Variants in ZC3H3 observed in about 807,000 individuals in gnomAD.
ZC3H3 encodes zinc finger CCCH-type containing 3.
A neutral mutation model predicts 77.3 loss-of-function variants in ZC3H3; 36 were observed. The ratio of observed to expected loss-of-function variants is 0.47; its 90% confidence interval spans 0.36 to 0.61. The LOEUF is 0.61. Among genes scored for constraint, ZC3H3 ranks in the 20% least tolerant of loss-of-function variants. The pLI is 0.00. For missense variants in ZC3H3, 1,331 were observed against 1,312.2 expected (o/e 1.01, Z -0.22); for synonymous variants, 626 against 555.2 (o/e 1.13, Z -1.79).
In ZC3H3 at chr8:143,437,881, T is replaced by C; in HGVS notation, c.*175A>G. ...GGCTTGGGGGAGGAAGACCAGGCCC[T>C]GCGCACACGCTGGTCATGGAAGGTT... On this transcript the variant is annotated 3_prime_UTR_variant, in exon 12 of 12. Coordinates refer to ENST00000262577, the MANE Select transcript of ZC3H3 (RefSeq NM_015117.3). The C allele has an allele frequency of 1.2e-6, 1 of 857,888 alleles. No individual in the cohort carries two copies. The highest frequency in any genetic ancestry group is 1.6e-5 in the South Asian group (1 of 62,740). The allele number at this position is 857,888 out of a possible 1,614,324, so 53.1% of individuals were successfully genotyped here. A position where few individuals can be genotyped will look rare whatever the true frequency, so the allele number is the denominator to read the frequency against.
At chr8:143,506,375 G>C (rs1246578673) in intron 4 of ZC3H3, among the ~76,000 whole-genome samples, 1 of 152,130 alleles carries the variant, frequency 6.6e-6, no homozygotes, top group Non-Finnish European at 1.5e-5. Flanking sequence ...CTCTTATTAA[G>C]TAAATTAATT....
intron 3 of ZC3H3, among the ~76,000 whole-genome samples, chr8:143,513,037 G>T (rs1189485110): frequency 6.6e-6 from 1 of 152,064 alleles, no homozygotes; most frequent in Non-Finnish European, 1.5e-5. Context: ...GCCTGGGCAG[G>T]GGGTGCCCAG....
rs772835100 is a variant in ZC3H3, at chr8:143,538,332, T to C, written c.1035A>G (p.Ala345=). ...ENVCKASAGM[A]NKVEKPQLIA... ...TGAGCTGCGGCTTCTCCACCTTGTTTGCCATGCCAGCAGAGGCCTTGCACA... is the reference window on the plus strand; with the variant it reads ...TGAGCTGCGGCTTCTCCACCTTGTTCGCCATGCCAGCAGAGGCCTTGCACA... The change falls in exon 2 of 12, where the codon GCA becomes GCG. Residue 345 remains alanine, a synonymous_variant. Transcript: ENST00000262577. 3.7e-6 allele frequency: 6 copies of C among 1,612,978 alleles called. No individual in the cohort carries two copies. In the South Asian group the frequency reaches 6.6e-5, roughly 18 times the overall value.
At chr8:143,464,550 A>G (rs1820356462) in intron 9 of ZC3H3, among the ~76,000 whole-genome samples, 1 of 152,166 alleles carries the variant, frequency 6.6e-6, no homozygotes, top group South Asian at 2.1e-4. Flanking sequence ...CACAGGAAGG[A>G]GTGCGTGGCC....
At chr8:143,465,462 C>G (rs1820383108) in intron 9 of ZC3H3, among the ~76,000 whole-genome samples, 1 of 152,210 alleles carries the variant, frequency 6.6e-6, no homozygotes, top group African/African-American at 2.4e-5. Flanking sequence ...CCTGGGGCTA[C>G]CAGTGCTGCA....
chr8:143,502,600 C>G (rs1216743489), intron 4 of ZC3H3, among the ~76,000 whole-genome samples: 1 of 152,244 alleles, frequency 6.6e-6, no homozygotes, highest in Non-Finnish European at 1.5e-5. Flanking sequence ...TCCGATTCAT[C>G]TGCTTAAGCA....
At chr8:143,438,893 T>TA in intron 11 of ZC3H3, among the ~76,000 whole-genome samples, 1 of 152,138 alleles carries the variant, frequency 6.6e-6, no homozygotes, top group African/African-American at 2.4e-5. Flanking sequence ...CTCTGACCCG[T>TA]CAGCCTGCCC....
chr8:143,531,498 C>A (rs541007121), intron 3 of ZC3H3, among the ~76,000 whole-genome samples: 1 of 152,192 alleles, frequency 6.6e-6, no homozygotes, highest in Non-Finnish European at 1.5e-5. Context: ...AGTCTCAGTC[C>A]CCAGGCGTGA....
intron 4 of ZC3H3, among the ~76,000 whole-genome samples, chr8:143,500,661 A>G (rs1276054141): frequency 6.6e-6 from 1 of 152,220 alleles, no homozygotes; most frequent in Non-Finnish European, 1.5e-5. Flanking sequence ...GAAGGCAAGC[A>G]GGTGCCTGAG....
intron 3 of ZC3H3, among the ~76,000 whole-genome samples, chr8:143,510,193 G>A (rs993390683): frequency 2.6e-5 from 4 of 152,230 alleles, no homozygotes; most frequent in African/African-American, 9.6e-5. Flanking sequence ...TCTTGTCACA[G>A]CCCACTCAGG....
intron 4 of ZC3H3, among the ~76,000 whole-genome samples, chr8:143,483,578 G>C (rs1374172141): frequency 6.6e-6 from 1 of 152,196 alleles, no homozygotes; most frequent in Non-Finnish European, 1.5e-5. Flanking sequence ...GCGTGCAGTG[G>C]GGGTGCTAGG....
chr8:143,440,917 G>A lies in ZC3H3; in HGVS notation c.2492+19C>T, dbSNP rs1365195062. On this transcript the variant is annotated intron_variant, in intron 10 of 11. Transcript: ENST00000262577. ...GGGGCCACCCAGGCTCACATGCACA[G>A]TGCCCACTGCCCCATCACCTGGGCC... is the stretch of plus-strand genomic sequence containing the variant. 15 of 1,411,844 alleles carry A rather than the reference G, an allele frequency of 1.1e-5. No homozygotes were observed. Among genetic ancestry groups the A allele is most frequent in the Non-Finnish European group, 1.3e-5 (14 of 1,087,294 alleles). 87.5% of individuals were successfully genotyped at this position (1,411,844 alleles called of 1,614,324 possible).
Position 143,536,449 on chromosome 8 carries a change from G to A in ZC3H3, c.1369C>T (p.Pro457Ser). Residue 457 changes from proline (P) to serine (S), a missense_variant, in exon 3 of 12, where the codon CCT becomes TCT. By Grantham distance (74) the Pro-to-Ser change is moderately conservative (BLOSUM62 -1). Around this residue, in one of 3 missense-constraint regions of ZC3H3, gnomAD observed 978 missense variants for 915.5 expected, o/e 1.07. Transcript: ENST00000262577. ...GAGGTGCCGCTTTTCTTGTCTCCAG[G>A]AAGGCTGTGGAGACAAAATACAGGC... Reference protein sequence around the residue: ...IIRRRSSTSLPGDKKSGTSPA... With the variant: ...IIRRRSSTSLSGDKKSGTSPA... The A allele has an allele frequency of 6.6e-7, 1 of 1,505,092 alleles. No individual in the cohort carries two copies. 93.2% of individuals were successfully genotyped at this position (1,505,092 alleles called of 1,614,324 possible).
At chr8:143,517,571 A>G (rs1468514463) in intron 3 of ZC3H3, among the ~76,000 whole-genome samples, 3 of 152,098 alleles carry the variant, frequency 2.0e-5, no homozygotes, top group Admixed American at 6.5e-5. Flanking sequence ...CCACTTCACA[A>G]AGAAGGGCAC....
At chr8:143,516,941 T>A (rs1222393109) in intron 3 of ZC3H3, among the ~76,000 whole-genome samples, 3 of 152,208 alleles carry the variant, frequency 2.0e-5, no homozygotes, top group Non-Finnish European at 4.4e-5. Context: ...TGATGACAAA[T>A]GACCGCTGTC....
intron 9 of ZC3H3, among the ~76,000 whole-genome samples, chr8:143,447,380 C>T (rs373797016): frequency 6.6e-6 from 1 of 152,354 alleles, no homozygotes; most frequent in East Asian, 1.9e-4. Flanking sequence ...CTCCATCTTT[C>T]TCACGCTCCT....
intron 9 of ZC3H3, among the ~76,000 whole-genome samples, chr8:143,464,013 T>A (rs1259128312): frequency 6.6e-6 from 1 of 152,220 alleles, no homozygotes; most frequent in African/African-American, 2.4e-5. Flanking sequence ...TATTATAAAC[T>A]CTCTGGGGCC....
Position 143,438,058 on chromosome 8 carries a change from A to G in ZC3H3, c.2845T>C (p.Ter949ArgextTer?). 1 of 1,611,176 alleles carries G rather than the reference A, an allele frequency of 6.2e-7. No individual in the cohort carries two copies. The highest frequency in any genetic ancestry group is 1.3e-5 in the African/African-American group (1 of 74,956). ...GKPLHIKPRL* is the reference protein window; with the variant it reads ...GKPLHIKPRLR ...GTGCAGGCCGGTCCCTGGGGTCCTCACAGACGTGGTTTGATGTGCAGAGGC... is the reference window on the plus strand; with the variant it reads ...GTGCAGGCCGGTCCCTGGGGTCCTCGCAGACGTGGTTTGATGTGCAGAGGC... The change falls in exon 12 of 12, where the codon TGA (stop) becomes CGA (arginine). Residue 949 changes from the stop codon to arginine, a stop_lost. Coordinates refer to ENST00000262577, the MANE Select transcript of ZC3H3 (RefSeq NM_015117.3).
intron 9 of ZC3H3, among the ~76,000 whole-genome samples, chr8:143,441,938 C>T (rs1003397869): frequency 1.3e-5 from 2 of 152,230 alleles, no homozygotes; most frequent in Admixed American, 1.3e-4. Context: ...GACTAAGCGA[C>T]AGGCGTCCCC....
Sources: gnomAD v4.1 joint callset for allele counts (sites outside exome capture counted in the v4.1 genomes callset) on GRCh38, gnomAD v4.1.1 for gene constraint, gnomAD v4.1.1 regional missense constraint, MANE v1.5 for transcripts, NCBI Gene and HGNC (gene_info 2026-07-23, HGNC 2026-07-21) for gene names.